Variants in ADGRD1 observed in about 807,000 individuals in gnomAD.
ADGRD1 encodes G-protein coupled receptor 133.
A neutral mutation model predicts 113.4 loss-of-function variants in ADGRD1; 77 were observed. The observed-to-expected ratio is 0.68, with a 90% confidence interval of 0.57 to 0.82. The LOEUF (loss-of-function observed/expected upper bound fraction) is 0.82, where lower values mean the gene tolerates loss of function less well. ADGRD1 is among the 40% of genes least tolerant of loss of function. The pLI is 0.00. For missense variants in ADGRD1, 1,036 were observed against 1,139.1 expected (o/e 0.91, Z 1.30); for synonymous variants, 474 against 475.0 (o/e 1.00, Z 0.03).
intron 13 of ADGRD1, among the ~76,000 whole-genome samples, chr12:131,014,810 C>T (rs763947252): frequency 3.9e-5 from 6 of 152,192 alleles, no homozygotes; most frequent in Non-Finnish European, 7.3e-5. Context: ...TGCTTCATAA[C>T]CGCTCTCCTC....
chr12:131,048,309 C>T (rs1311848579), intron 13 of ADGRD1, among the ~76,000 whole-genome samples: 1 of 152,208 alleles, frequency 6.6e-6, no homozygotes, highest in Admixed American at 6.5e-5. Context: ...TCTCGCACTC[C>T]CCAGGGAGCA....
In ADGRD1 at chr12:130,964,797, G is replaced by A. The variant is rs191314231; in HGVS notation, c.104-1666G>A. 1.3e-3 allele frequency among the ~76,000 whole-genome samples: 197 copies of A among 152,288 alleles called. 1 individual carries two copies. The highest frequency in any genetic ancestry group is 4.6e-3 in the African/African-American group (193 of 41,564). On this transcript the variant is annotated intron_variant, in intron 2 of 24. Coordinates refer to ENST00000261654, the MANE Select transcript of ADGRD1 (RefSeq NM_198827.5). ...TTCTCCCGCTGAACTGTCTATCCGC[G>A]TGTAACAATCAGCCATCTTTATTGT...
At chr12:131,065,722 T>C (rs1884671927) in intron 13 of ADGRD1, among the ~76,000 whole-genome samples, 2 of 152,068 alleles carry the variant, frequency 1.3e-5, no homozygotes, top group African/African-American at 4.8e-5. Flanking sequence ...ATTCCTCGGT[T>C]GTTAGTTGTG....
intron 21 of ADGRD1, among the ~76,000 whole-genome samples, chr12:131,132,401 C>T (rs774188701): frequency 3.3e-5 from 5 of 152,174 alleles, no homozygotes; most frequent in South Asian, 2.1e-4. Flanking sequence ...ACGGCCCAGC[C>T]GATTGCAGGT....
intron 13 of ADGRD1, among the ~76,000 whole-genome samples, chr12:131,042,443 A>G (rs1419068979): frequency 1.3e-5 from 2 of 152,224 alleles, no homozygotes; most frequent in African/African-American, 4.8e-5. Flanking sequence ...CACAGTAAAT[A>G]TTTGTTGAAT....
chr12:131,087,812 G>C (rs1204554656), intron 15 of ADGRD1, among the ~76,000 whole-genome samples: 2 of 152,212 alleles, frequency 1.3e-5, no homozygotes, highest in Non-Finnish European at 2.9e-5. Context: ...CTTCGCGGCT[G>C]GGGAGGGCCA....
chr12:131,039,282 G>C (rs1881873444), intron 13 of ADGRD1, among the ~76,000 whole-genome samples: 1 of 152,186 alleles, frequency 6.6e-6, no homozygotes, highest in Non-Finnish European at 1.5e-5. Flanking sequence ...TGTGCTCCTG[G>C]CCCCTGCAGG....
At chr12:131,028,124 T>G (rs1208144074) in intron 13 of ADGRD1, 1 of 152,232 alleles carries the variant, frequency 6.6e-6, no homozygotes, top group East Asian at 1.9e-4. Flanking sequence ...TGTCCAGCAT[T>G]GGGTGTGGCC....
intron 15 of ADGRD1, among the ~76,000 whole-genome samples, chr12:131,085,306 G>T (rs1886382355): frequency 6.6e-6 from 1 of 152,142 alleles, no homozygotes; most frequent in African/African-American, 2.4e-5. Flanking sequence ...TGTCTTGAAG[G>T]CCTGGGGGCA....
chr12:131,138,959 T>A (rs1251127292), intron 24 of ADGRD1, among the ~76,000 whole-genome samples: 1 of 151,832 alleles, frequency 6.6e-6, no homozygotes, highest in African/African-American at 2.4e-5. Context: ...TTAAGGGGAG[T>A]CAGCGTGGAG....
chr12:131,110,389 C>T (rs1337292107), intron 18 of ADGRD1, among the ~76,000 whole-genome samples: 1 of 151,312 alleles, frequency 6.6e-6, no homozygotes, highest in Non-Finnish European at 1.5e-5. Context: ...TAGCGATTGA[C>T]CTAATGCTTA....
intron 13 of ADGRD1, among the ~76,000 whole-genome samples, chr12:131,018,814 C>G (rs1221541231): frequency 1.3e-5 from 2 of 152,070 alleles, no homozygotes; most frequent in Admixed American, 6.5e-5. Flanking sequence ...TTTCCACCAC[C>G]CTTTCTCAGT....
At chr12:130,982,799 C>A (rs1027458318) in intron 5 of ADGRD1, among the ~76,000 whole-genome samples, 2 of 151,878 alleles carry the variant, frequency 1.3e-5, no homozygotes, top group African/African-American at 4.8e-5. Flanking sequence ...CAGAGGCTGA[C>A]GAAGGTCTGA....
chr12:131,054,684 C>T (rs899642186), intron 13 of ADGRD1, among the ~76,000 whole-genome samples: 5 of 152,208 alleles, frequency 3.3e-5, no homozygotes, highest in Non-Finnish European at 7.3e-5. Context: ...ACTCGAGGGG[C>T]CCTCCACTCC....
chr12:130,999,360 C>T (rs1876038919), intron 8 of ADGRD1, among the ~76,000 whole-genome samples: 1 of 152,184 alleles, frequency 6.6e-6, no homozygotes, highest in Non-Finnish European at 1.5e-5. Flanking sequence ...AGTTTGCTGC[C>T]CCTGCTCCGG....
At chr12:131,108,208 A>T (rs1429381506) in intron 17 of ADGRD1, among the ~76,000 whole-genome samples, 1 of 152,196 alleles carries the variant, frequency 6.6e-6, no homozygotes, top group Non-Finnish European at 1.5e-5. Context: ...GGGTAACTAC[A>T]ACTTGGAAGC....
chr12:131,049,473 T>C (rs778143608), intron 13 of ADGRD1, among the ~76,000 whole-genome samples: 2 of 152,238 alleles, frequency 1.3e-5, no homozygotes, highest in Non-Finnish European at 2.9e-5. Context: ...AGCCAGAGAT[T>C]CTGGACACAG....
intron 18 of ADGRD1, among the ~76,000 whole-genome samples, chr12:131,116,553 GT>G (rs1460425042): frequency 1.4e-5 from 2 of 142,118 alleles, no homozygotes; most frequent in African/African-American, 6.3e-5. Flanking sequence ...GGTCGGGTGG[GT>G]GCCAGGAGCC....
intron 17 of ADGRD1, among the ~76,000 whole-genome samples, 168 bp from the exon 18 acceptor site, chr12:131,108,556 G>C (rs901823831): frequency 6.6e-6 from 1 of 152,096 alleles, no homozygotes; most frequent in African/African-American, 2.4e-5. Context: ...TGAGTCAAGC[G>C]CTACACCCAA....
Sources: allele counts gnomAD v4.1 joint callset (sites outside exome capture counted in the v4.1 genomes callset), GRCh38; gene constraint gnomAD v4.1.1; transcripts MANE v1.5; gene names NCBI Gene and HGNC (gene_info 2026-07-23, HGNC 2026-07-21).